Variants in SDK1 observed in about 807,000 individuals in gnomAD.
SDK1 encodes protein sidekick-1.
Under a neutral mutation model 245.5 loss-of-function variants are expected in SDK1, and 157 were observed. The observed-to-expected ratio is 0.64, with a 90% CI of 0.56 to 0.73. SDK1 has a LOEUF of 0.73. Among genes scored for constraint, SDK1 ranks in the 30% least tolerant of loss-of-function variants. The pLI is 0.00. For synonymous variants in SDK1, 1,647 were observed against 1,278.5 expected (o/e 1.29, Z -6.15); for missense variants, 3,583 against 3,002.3 (o/e 1.19, Z -4.52).
intron 1 of SDK1, among the ~76,000 whole-genome samples, chr7:3,577,851 C>T (rs1780343108): frequency 6.6e-6 from 1 of 152,106 alleles, no homozygotes; most frequent in South Asian, 2.1e-4. Context: ...TCCTGCATTG[C>T]CTGGCAGCTC....
At chr7:3,652,134 G>T (rs1411142439) in intron 4 of SDK1, among the ~76,000 whole-genome samples, 1 of 152,224 alleles carries the variant, frequency 6.6e-6, no homozygotes, top group Non-Finnish European at 1.5e-5. Context: ...ATGAGGAAGT[G>T]GAGACAGCAA....
At chr7:4,018,883 G>C (rs376701920) in intron 17 of SDK1, among the ~76,000 whole-genome samples, 17 of 152,098 alleles carry the variant, frequency 1.1e-4, no homozygotes, top group African/African-American at 3.1e-4. Flanking sequence ...ATGGCAGCAG[G>C]GACTCTAGAG....
chr7:4,249,328 C>A (rs528567846), intron 44 of SDK1, among the ~76,000 whole-genome samples: 1 of 152,244 alleles, frequency 6.6e-6, no homozygotes, highest in Non-Finnish European at 1.5e-5. Flanking sequence ...ACCAGTCCTG[C>A]TCTCAGAGCT....
chr7:3,600,725 T>A (rs1159339545), intron 1 of SDK1, among the ~76,000 whole-genome samples: 1 of 151,948 alleles, frequency 6.6e-6, no homozygotes, highest in African/African-American at 2.4e-5. Context: ...ATTTTTTGTA[T>A]TTTTAGTAGA....
chr7:4,114,657 C>G (rs990361133), intron 25 of SDK1, among the ~76,000 whole-genome samples: 1 of 152,126 alleles, frequency 6.6e-6, no homozygotes. Context: ...GTAATCTAGC[C>G]TGTGGTAATA....
At chr7:3,691,238 A>G (rs1030162356) in intron 4 of SDK1, among the ~76,000 whole-genome samples, 1 of 152,208 alleles carries the variant, frequency 6.6e-6, no homozygotes. Flanking sequence ...AAAGGCTCCA[A>G]TTTTCTTAAG....
intron 14 of SDK1, among the ~76,000 whole-genome samples, chr7:3,994,624 A>G (rs1187135965): frequency 6.7e-6 from 1 of 150,374 alleles, no homozygotes; most frequent in African/African-American, 2.5e-5. Context: ...CCTGGGAGAC[A>G]GAATGAGACT....
At chr7:3,363,724 A>T (rs978933277) in intron 1 of SDK1, among the ~76,000 whole-genome samples, 2 of 152,156 alleles carry the variant, frequency 1.3e-5, no homozygotes, top group Non-Finnish European at 2.9e-5. Context: ...TTGTGCTCCT[A>T]TGAGAATCTA....
chr7:4,157,432 A>G (rs1168322845), intron 30 of SDK1, among the ~76,000 whole-genome samples: 5 of 14,038 alleles, frequency 3.6e-4, no homozygotes, highest in Non-Finnish European at 6.3e-4. Flanking sequence ...GAAGGAAGGC[A>G]AGAGAAAAGG....
chr7:3,548,882 C>T (rs1400965043), intron 1 of SDK1, among the ~76,000 whole-genome samples: 1 of 152,188 alleles, frequency 6.6e-6, no homozygotes, highest in African/African-American at 2.4e-5. Flanking sequence ...GAAAGTATCA[C>T]TTTGACCTCA....
chr7:3,557,950 C>T (rs1352707552), intron 1 of SDK1, among the ~76,000 whole-genome samples: 1 of 152,134 alleles, frequency 6.6e-6, no homozygotes, highest in Non-Finnish European at 1.5e-5. Context: ...TGTACATTGT[C>T]TTTAACAGCA....
At chr7:3,619,001 T>G (rs1472145702) in intron 1 of SDK1, 79 bp from the exon 2 acceptor site, 5 of 1,166,104 alleles carry the variant, frequency 4.3e-6, no homozygotes, top group East Asian at 2.6e-5. Context: ...TTTGTTTAAA[T>G]AATAGATTTA....
At chr7:3,884,412 C>T (rs1481018698) in intron 5 of SDK1, among the ~76,000 whole-genome samples, 1 of 152,154 alleles carries the variant, frequency 6.6e-6, no homozygotes, top group African/African-American at 2.4e-5. Flanking sequence ...TTGTTTGATA[C>T]TGTTGGTTTG....
intron 1 of SDK1, among the ~76,000 whole-genome samples, chr7:3,403,997 G>A (rs1488274916): frequency 6.6e-6 from 1 of 150,732 alleles, no homozygotes; most frequent in African/African-American, 2.4e-5. Flanking sequence ...TGGTTTCCCA[G>A]TGCATATAAA....
chr7:3,529,200 TAATA>T (rs750186576), intron 1 of SDK1, among the ~76,000 whole-genome samples: 4 of 152,080 alleles, frequency 2.6e-5, no homozygotes, highest in Non-Finnish European at 4.4e-5. Context: ...ATATAGGTGA[TAATA>T]TAGAGACACA....
rs752942866 is a variant in SDK1, at chr7:3,680,098, C to T, written c.713+37993C>T. On this transcript the variant is annotated intron_variant, in intron 4 of 44. Transcript: ENST00000404826. ...TGCATCCGCAGCATGGAATCCTTTG[C>T]GGCAATAAAAGGAATGAATGAATGA... Among the ~76,000 whole-genome samples the T allele has an allele frequency of 1.8e-4, 28 of 152,180 alleles. 1 individual carries two copies. Among genetic ancestry groups the T allele is most frequent in the South Asian group, 6.2e-4 (3 of 4,814 alleles).
chr7:4,030,635 C>T (rs1787736039), intron 17 of SDK1, among the ~76,000 whole-genome samples: 1 of 152,220 alleles, frequency 6.6e-6, no homozygotes, highest in Non-Finnish European at 1.5e-5. Context: ...TGAAGCTTCA[C>T]ACAAGAAGCG....
At chr7:3,859,923 A>AT (rs36028522) in intron 5 of SDK1, among the ~76,000 whole-genome samples, 10,143 of 146,996 alleles carry the variant, frequency 0.069, 870 homozygotes, top group African/African-American at 0.2. Context: ...ACTGATAGAA[A>AT]TTTTTTTTTT....
At chr7:4,005,137 C>G (rs1785371470) in intron 14 of SDK1, among the ~76,000 whole-genome samples, 1 of 148,108 alleles carries the variant, frequency 6.8e-6, no homozygotes, top group African/African-American at 2.5e-5. Flanking sequence ...CCTCCATCTC[C>G]TGGGTTCAAG....
Sources: allele counts gnomAD v4.1 joint callset (sites outside exome capture counted in the v4.1 genomes callset), GRCh38; gene constraint gnomAD v4.1.1; transcripts MANE v1.5; gene names NCBI Gene and HGNC (gene_info 2026-07-23, HGNC 2026-07-21).